Variants in TMEM222 observed in about 807,000 individuals in gnomAD.
The protein encoded by TMEM222 is chromosome 1 open reading frame 160.
A neutral mutation model predicts 25.1 loss-of-function variants in TMEM222; 18 were observed. The ratio of observed to expected loss-of-function variants is 0.72; its 90% CI spans 0.50 to 1.06. The LOEUF (loss-of-function observed/expected upper bound fraction) is 1.06. Ranked by LOEUF, TMEM222 falls within the 50% of genes least tolerant of loss-of-function variation. The pLI is 0.00. For synonymous variants in TMEM222, 131 were observed against 117.9 expected, an observed-to-expected ratio of 1.11 and a Z score of -0.72; for missense variants, 296 against 293.7, an observed-to-expected ratio of 1.01 and a Z score of -0.06.
At chr1:27,325,613 G>A (rs1160096857) in intron 1 of TMEM222, 2 of 902,290 alleles carry the variant, frequency 2.2e-6, no homozygotes, top group East Asian at 2.4e-5. Context: ...GGATGCAGAA[G>A]GAGATTAACG....
Sources: allele counts gnomAD v4.1 joint callset, GRCh38; gene constraint gnomAD v4.1.1; transcripts MANE v1.5; gene names NCBI Gene and HGNC (gene_info 2026-07-23, HGNC 2026-07-21).